FMN1: variants seen among roughly 807,000 people sequenced by gnomAD.
The protein encoded by FMN1 is formin-1.
FMN1 carries 110 observed loss-of-function variants against 132.4 expected under a neutral mutation model. That is an observed-to-expected ratio of 0.83 (90% CI 0.71 to 0.97). FMN1 has a LOEUF of 0.97. Ranked by LOEUF, FMN1 falls within the 50% of genes least tolerant of loss-of-function variation. The pLI is 0.00. For synonymous variants in FMN1, 722 were observed against 651.7 expected (o/e 1.11, Z -1.64); for missense variants, 1,792 against 1,705.3 (o/e 1.05, Z -0.90).
rs540501347 is a variant in FMN1 at position 32,767,040 on chromosome 15, G to C, written c.*7270C>G. On this transcript the variant is annotated 3_prime_UTR_variant, in exon 21 of 21. Coordinates refer to ENST00000616417, the MANE Select transcript of FMN1 (RefSeq NM_001277313.2). ...GGGTACCTGCTTTCCCAGTACATTGGCACTGATCAATACAAGATCAAGGGC... is the reference window on the plus strand; with the variant it reads ...GGGTACCTGCTTTCCCAGTACATTGCCACTGATCAATACAAGATCAAGGGC... 6.6e-6 allele frequency: 1 copy of C among 152,210 alleles called. No individual in the cohort carries two copies. Among genetic ancestry groups the C allele is most frequent in the South Asian group, 2.1e-4 (1 of 4,824 alleles). The allele number at this position is 152,210 out of a possible 1,614,324, so 9.4% of individuals were successfully genotyped here.
At chr15:33,077,066 T>A (rs1422266108) in intron 5 of FMN1, among the ~76,000 whole-genome samples, 1 of 152,216 alleles carries the variant, frequency 6.6e-6, no homozygotes, top group African/African-American at 2.4e-5. Flanking sequence ...TCTTGCTCTG[T>A]CGCCTAGGCT....
At position 33,154,551 on chromosome 15, in the gene FMN1, G is replaced by A; in HGVS notation, c.364C>T (p.Leu122=). 1 of 1,536,148 alleles carries A rather than the reference G, an allele frequency of 6.5e-7. No homozygotes were observed. The change falls in exon 4 of 21, where the codon CTG becomes TTG. Residue 122 remains leucine (L), a synonymous_variant. Transcript: ENST00000616417. ...TCCTCGGGGGCCAGGCTCACGGACA[G>A]CTCTTGCAGCTTCCCCTCCTGGTTC... is the stretch of plus-strand genomic sequence containing the variant. The part of the protein sequence containing the change: ...MGNQEGKLQE[L]SVSLAPEDDC...
At chr15:32,975,520 A>G (rs2032132031) in intron 7 of FMN1, among the ~76,000 whole-genome samples, 1 of 152,190 alleles carries the variant, frequency 6.6e-6, no homozygotes, top group African/African-American at 2.4e-5. Context: ...GTCAACTGTT[A>G]GACATTACTT....
chr15:32,944,447 T>C (rs777140147), intron 9 of FMN1, among the ~76,000 whole-genome samples: 1 of 152,248 alleles, frequency 6.6e-6, no homozygotes, highest in Admixed American at 6.5e-5. Flanking sequence ...GCTTTCCACA[T>C]ACAGCTGATA....
chr15:32,868,050 G>A (rs1285436711), intron 16 of FMN1, among the ~76,000 whole-genome samples: 1 of 152,184 alleles, frequency 6.6e-6, no homozygotes, highest in South Asian at 2.1e-4. Flanking sequence ...ATGGATATTA[G>A]TGTCTTGACA....
intron 17 of FMN1, among the ~76,000 whole-genome samples, chr15:32,806,850 T>C (rs2057699375): frequency 6.6e-6 from 1 of 152,144 alleles, no homozygotes; most frequent in African/African-American, 2.4e-5. Context: ...AGACCATCCC[T>C]TGCCACTCAT....
intron 19 of FMN1, among the ~76,000 whole-genome samples, chr15:32,792,454 T>C (rs140964703): frequency 0.056 from 6,340 of 113,270 alleles, 291 homozygotes; most frequent in African/African-American, 0.13. Context: ...CAAAACAAAA[T>C]AAAACAAACA....
At position 32,772,673 on chromosome 15, in the gene FMN1, A is replaced by G. The variant is rs1181697664; in HGVS notation, c.*1637T>C. On this transcript the variant is annotated 3_prime_UTR_variant, in exon 21 of 21. Coordinates refer to ENST00000616417, the MANE Select transcript of FMN1 (RefSeq NM_001277313.2). ...TTACCATATTCCTTTCAGTTGCACC[A>G]GTAGAAAAGGCGGTTAGCACCTGCA... is the stretch of plus-strand genomic sequence containing the variant. 6.6e-6 allele frequency: 1 copy of G among 152,220 alleles called. No individual in the cohort carries two copies. Among genetic ancestry groups the G allele is most frequent in the Non-Finnish European group, 1.5e-5 (1 of 68,048 alleles). 9.4% of individuals were successfully genotyped at this position (152,220 alleles called of 1,614,324 possible). A position where few individuals can be genotyped will look rare whatever the true frequency, so the allele number is the denominator to read the frequency against.
In FMN1 at chr15:32,953,869, C is replaced by T. The variant is rs527885151; in HGVS notation, c.3138+10238G>A. Among the ~76,000 whole-genome samples, 246 of 152,312 alleles carry T rather than the reference C, an allele frequency of 1.6e-3. 1 individual carries two copies. Among genetic ancestry groups the T allele is most frequent in the African/African-American group, 5.7e-3 (235 of 41,570 alleles). ...GGTTTGAGTCTGGTTTGCAGTATAT[C>T]CCATGCCGCTCATTGACTAGGTAAA... On this transcript the variant is annotated intron_variant, in intron 9 of 20. Transcript: ENST00000616417.
chr15:32,928,049 A>G (rs1461549383), intron 9 of FMN1, among the ~76,000 whole-genome samples: 3 of 152,244 alleles, frequency 2.0e-5, no homozygotes, highest in African/African-American at 4.8e-5. Context: ...CTAATTGTCT[A>G]ACTACCTGTT....
In FMN1 at chr15:33,184,489, ATC is replaced by A. The variant is rs201931446; in HGVS notation, c.-196-4229_-196-4228del. ...GTAAATTTCTTCCCTTTTAATTTAG[ATC>A]TTTTTTTTTTCTTTTTTTTTTTTCC... is the stretch of plus-strand genomic sequence containing the variant. On this transcript the variant is annotated intron_variant, in intron 2 of 20. Coordinates refer to ENST00000616417, the MANE Select transcript of FMN1 (RefSeq NM_001277313.2). 6.7e-5 allele frequency among the ~76,000 whole-genome samples: 10 copies of A among 148,234 alleles called. No individual in the cohort carries two copies. In the East Asian group the frequency reaches 1.4e-3, roughly 21 times the overall value.
intron 5 of FMN1, among the ~76,000 whole-genome samples, chr15:33,088,148 C>A (rs937764139): frequency 6.6e-6 from 1 of 152,002 alleles, no homozygotes; most frequent in African/African-American, 2.4e-5. Context: ...TCTCAGTAAT[C>A]CCCACTAAAG....
At chr15:33,016,326 C>G in intron 6 of FMN1, among the ~76,000 whole-genome samples, 1 of 152,160 alleles carries the variant, frequency 6.6e-6, no homozygotes, top group East Asian at 1.9e-4. Context: ...AAGGCAGAGT[C>G]ACAAGTCATT....
intron 4 of FMN1, among the ~76,000 whole-genome samples, chr15:33,119,697 T>C (rs1309495144): frequency 6.6e-6 from 1 of 152,368 alleles, no homozygotes; most frequent in Middle Eastern, 3.4e-3. Flanking sequence ...CAAAAATTTT[T>C]TCATTTTTTT....
rs143468511 is a variant in FMN1, at chr15:32,962,211, G to A, written c.3138+1896C>T. 5.4e-3 allele frequency among the ~76,000 whole-genome samples: 814 copies of A among 152,128 alleles called. 1 individual carries two copies. Among genetic ancestry groups the A allele is most frequent in the Non-Finnish European group, 8.6e-3 (588 of 67,982 alleles). ...ACAGAGCTTTTTATACAATGGAAAT[G>A]TTTTACATCTATGCTATCCAATACA... On this transcript the variant is annotated intron_variant, in intron 9 of 20. Coordinates refer to ENST00000616417, the MANE Select transcript of FMN1 (RefSeq NM_001277313.2).
At position 32,964,048 on chromosome 15, in the gene FMN1, C is replaced by CACACACACACACACACACACAT. The variant is rs753118665; in HGVS notation, c.3138+58_3138+59insATGTGTGTGTGTGTGTGTGTGT. The stretch of plus-strand genomic sequence containing the variant: ...ACACACACACACACACACACACACA[C>CACACACACACACACACACACAT]ATATATACCATTTCCCTGTATAATA... On this transcript the variant is annotated intron_variant, in intron 9 of 20. Transcript: ENST00000616417. 2.7e-6 allele frequency: 3 copies of CACACACACACACACACACACAT among 1,117,946 alleles called. No homozygotes were observed. In the African/African-American group the frequency reaches 5.4e-5, roughly 20 times the overall value. The allele number at this position is 1,117,946 out of a possible 1,614,324, so 69.3% of individuals were successfully genotyped here.
At chr15:33,011,865 T>TTA (rs1255815918) in intron 6 of FMN1, among the ~76,000 whole-genome samples, 16 of 152,200 alleles carry the variant, frequency 1.1e-4, no homozygotes, top group Non-Finnish European at 1.6e-4. Context: ...TAATCAGGAA[T>TTA]ATTTAAGGTC....
chr15:32,863,963 A>C (rs538567009), intron 16 of FMN1, among the ~76,000 whole-genome samples: 4 of 152,364 alleles, frequency 2.6e-5, no homozygotes, highest in African/African-American at 9.6e-5. Context: ...TAGAACAGTA[A>C]TATTTTATTT....
intron 2 of FMN1, among the ~76,000 whole-genome samples, chr15:33,192,679 T>G (rs1178945219): frequency 6.6e-6 from 1 of 152,196 alleles, no homozygotes; most frequent in African/African-American, 2.4e-5. Context: ...AAGACTACCA[T>G]ACCCCATTTG....
Sources: gnomAD v4.1 joint callset for allele counts (sites outside exome capture counted in the v4.1 genomes callset) on GRCh38, gnomAD v4.1.1 for gene constraint, MANE v1.5 for transcripts, NCBI Gene and HGNC (gene_info 2026-07-23, HGNC 2026-07-21) for gene names.